The following SKAP1 variants were observed in gnomAD, a reference collection of about 807,000 sequenced individuals.
The protein encoded by SKAP1 is src kinase-associated phosphoprotein 1.
Under a neutral mutation model 58.5 loss-of-function variants are expected in SKAP1, and 44 were observed. The ratio of observed to expected loss-of-function variants is 0.75; its 90% CI spans 0.59 to 0.97. The LOEUF (loss-of-function observed/expected upper bound fraction) is 0.97. Among genes scored for constraint, SKAP1 ranks in the 50% least tolerant of loss-of-function variants. The pLI, the probability that SKAP1 is intolerant of heterozygous loss-of-function variation, is 0.00. For synonymous variants in SKAP1, 127 were observed against 149.7 expected (o/e 0.85, Z 1.11); for missense variants, 390 against 435.2 (o/e 0.90, Z 0.92).
At chr17:48,390,998 T>G (rs1403770216) in intron 2 of SKAP1, among the ~76,000 whole-genome samples, 1 of 151,952 alleles carries the variant, frequency 6.6e-6, no homozygotes, top group Admixed American at 6.6e-5. Flanking sequence ...TTGCTTGAAT[T>G]TGCGGAGGTT....
intron 2 of SKAP1, among the ~76,000 whole-genome samples, chr17:48,383,590 A>G (rs1430652791): frequency 1.3e-5 from 2 of 152,204 alleles, no homozygotes; most frequent in Non-Finnish European, 2.9e-5. Flanking sequence ...TTATTTGCAC[A>G]GAAGTGACCC....
chr17:48,265,462 A>C (rs570283308), intron 4 of SKAP1, among the ~76,000 whole-genome samples: 1 of 151,172 alleles, frequency 6.6e-6, no homozygotes, highest in Non-Finnish European at 1.5e-5. Flanking sequence ...CTGAGACCGC[A>C]CCACTGCACT....
At chr17:48,180,714 G>A (rs1251261190) in intron 8 of SKAP1, among the ~76,000 whole-genome samples, 1 of 152,190 alleles carries the variant, frequency 6.6e-6, no homozygotes, top group Non-Finnish European at 1.5e-5. Context: ...TCTCCCCAGT[G>A]ATTTCACTGC....
chr17:48,372,764 C>T (rs1304745788), intron 2 of SKAP1, among the ~76,000 whole-genome samples: 1 of 152,172 alleles, frequency 6.6e-6, no homozygotes. Context: ...CCTCAGCCTC[C>T]GAAGTAGCTG....
intron 1 of SKAP1, among the ~76,000 whole-genome samples, chr17:48,401,239 G>A (rs766485221): frequency 1.3e-5 from 2 of 151,942 alleles, no homozygotes; most frequent in African/African-American, 2.4e-5. Flanking sequence ...CTGGGAGGCC[G>A]AGGTTGCAGT....
At chr17:48,361,079 CTA>C (rs1269246205) in intron 3 of SKAP1, among the ~76,000 whole-genome samples, 1 of 114,462 alleles carries the variant, frequency 8.7e-6, no homozygotes. Flanking sequence ...CTGTACTATA[CTA>C]TACTATACTA....
rs146102258 is a variant in SKAP1, at chr17:48,261,107, C to T, written c.281-71607G>A. 7.2e-5 allele frequency among the ~76,000 whole-genome samples: 11 copies of T among 152,232 alleles called. No individual in the cohort carries two copies. In the East Asian group the frequency reaches 9.6e-4, roughly 13 times the overall value. ...TATTATAGTTGTGTTTGGATCTGAA[C>T]GACCCCTAAGTCTGCAAGTCCTAGG... On this transcript the variant is annotated intron_variant, in intron 4 of 12. Coordinates refer to ENST00000336915, the MANE Select transcript of SKAP1 (RefSeq NM_003726.4).
intron 4 of SKAP1, among the ~76,000 whole-genome samples, chr17:48,290,089 T>A (rs1385121051): frequency 6.6e-6 from 1 of 152,174 alleles, no homozygotes; most frequent in Non-Finnish European, 1.5e-5. Context: ...TTGAGGCACA[T>A]TCTCTATTTT....
At chr17:48,346,594 G>A (rs996653745) in intron 3 of SKAP1, among the ~76,000 whole-genome samples, 3 of 151,754 alleles carry the variant, frequency 2.0e-5, no homozygotes, top group African/African-American at 4.8e-5. Context: ...ATTGCACTCC[G>A]GCCTGGGTGA....
chr17:48,386,978 C>G (rs2067286307), intron 2 of SKAP1, among the ~76,000 whole-genome samples: 1 of 152,168 alleles, frequency 6.6e-6, no homozygotes, highest in African/African-American at 2.4e-5. Context: ...CCTGAAAACT[C>G]AATTTCACAA....
chr17:48,155,241 C>T (rs967841263), intron 11 of SKAP1, among the ~76,000 whole-genome samples: 12 of 151,346 alleles, frequency 7.9e-5, no homozygotes, highest in African/African-American at 2.9e-4. Context: ...GAGTCTCCTG[C>T]CTCAGCTTCC....
intron 4 of SKAP1, among the ~76,000 whole-genome samples, chr17:48,260,584 A>T (rs1296553646): frequency 6.6e-6 from 1 of 152,168 alleles, no homozygotes; most frequent in African/African-American, 2.4e-5. Flanking sequence ...TGACTCGTGG[A>T]CATCATATTA....
chr17:48,249,196 CAGTT>C (rs1406671039), intron 4 of SKAP1, among the ~76,000 whole-genome samples: 1 of 152,130 alleles, frequency 6.6e-6, no homozygotes, highest in Non-Finnish European at 1.5e-5. Flanking sequence ...TAATCACACT[CAGTT>C]GGTCTAGCTT....
At chr17:48,433,969 C>A (rs911348896), upstream of SKAP1, among the ~76,000 whole-genome samples, 2 of 152,200 alleles carry the variant, frequency 1.3e-5, no homozygotes, top group African/African-American at 4.8e-5. Context: ...CAACTGCAAG[C>A]AAAGCAGGAG....
intron 1 of SKAP1, among the ~76,000 whole-genome samples, chr17:48,426,039 T>C (rs2067850805): frequency 6.6e-6 from 1 of 152,112 alleles, no homozygotes; most frequent in Non-Finnish European, 1.5e-5. Flanking sequence ...CACAAATATT[T>C]ATAAGAAGAA....
chr17:48,186,325 A>G (rs547729734), intron 6 of SKAP1, among the ~76,000 whole-genome samples: 1 of 152,178 alleles, frequency 6.6e-6, no homozygotes, highest in African/African-American at 2.4e-5. Flanking sequence ...TTGCCCCTAG[A>G]TGCGAAATGT....
intron 4 of SKAP1, among the ~76,000 whole-genome samples, chr17:48,275,080 T>G (rs2065682007): frequency 6.6e-6 from 1 of 152,228 alleles, no homozygotes; most frequent in Non-Finnish European, 1.5e-5. Flanking sequence ...TTCAAATCCC[T>G]GTGGCTGTTT....
intron 4 of SKAP1, among the ~76,000 whole-genome samples, chr17:48,221,748 T>C (rs2065008738): frequency 2.0e-5 from 3 of 152,236 alleles, no homozygotes; most frequent in African/African-American, 7.2e-5. Context: ...TCCACAAGGT[T>C]GCCTGCAGTC....
At chr17:48,389,024 C>T (rs1170068914) in intron 2 of SKAP1, among the ~76,000 whole-genome samples, 1 of 152,216 alleles carries the variant, frequency 6.6e-6, no homozygotes, top group African/African-American at 2.4e-5. Context: ...CTCAACAAGG[C>T]TCACAAACTC....
Sources: gnomAD v4.1 joint callset for allele counts (sites outside exome capture counted in the v4.1 genomes callset) on GRCh38, gnomAD v4.1.1 for gene constraint, MANE v1.5 for transcripts, NCBI Gene and HGNC (gene_info 2026-07-23, HGNC 2026-07-21) for gene names.